Variants in PALS1 observed in about 807,000 individuals in gnomAD.
PALS1 encodes the protein protein PALS1.
Under a neutral mutation model 78.9 loss-of-function variants are expected in PALS1, and 31 were observed. The ratio of observed to expected loss-of-function variants is 0.39; its 90% confidence interval spans 0.30 to 0.53. PALS1 has a LOEUF of 0.53. PALS1 is among the 20% of genes least tolerant of loss of function. The probability of loss-of-function intolerance (pLI) is 0.67; values close to 1 mark genes in which losing one functional copy is unlikely to be tolerated. For synonymous variants in PALS1, 276 were observed against 270.9 expected (o/e 1.02, Z -0.18); for missense variants, 704 against 826.5 (o/e 0.85, Z 1.82).
At chr14:67,303,452 T>C in intron 7 of PALS1, 70 bp from the exon 8 acceptor site, 1 of 1,235,856 alleles carries the variant, frequency 8.1e-7, no homozygotes, top group Non-Finnish European at 1.2e-6. Context: ...TTAGGGAATA[T>C]AGATCATAAA....
At chr14:67,250,921 G>A (rs1042400041) in intron 1 of PALS1, among the ~76,000 whole-genome samples, 19 of 152,150 alleles carry the variant, frequency 1.2e-4, no homozygotes, top group Non-Finnish European at 2.2e-4. Context: ...ATCCCTCGCT[G>A]TGTCTCTTAA....
chr14:67,266,514 C>CA (rs1008370961), intron 1 of PALS1, among the ~76,000 whole-genome samples: 4 of 151,984 alleles, frequency 2.6e-5, no homozygotes, highest in African/African-American at 9.7e-5. Flanking sequence ...TTAGTAGAGA[C>CA]AGGGTTTCAC....
At position 67,303,707 on chromosome 14, in the gene PALS1, C is replaced by T. The variant is rs2084961296; in HGVS notation, c.1041+108C>T. The T allele has an allele frequency of 7.0e-6, 5 of 713,342 alleles. No individual in the cohort carries two copies. The Middle Eastern group carries it at 1.5e-3, about 217-fold the overall frequency. 44.2% of individuals were successfully genotyped at this position (713,342 alleles called of 1,614,324 possible). On this transcript the variant is annotated intron_variant, in intron 8 of 14. Coordinates refer to ENST00000261681, the MANE Select transcript of PALS1 (RefSeq NM_022474.4). ...ACTGTTTCCTGTACTCAAATAAATT[C>T]AATCATTTTTATTTAAATAAATATG... is the stretch of plus-strand genomic sequence containing the variant.
At chr14:67,276,096 G>A (rs1288783298) in intron 2 of PALS1, among the ~76,000 whole-genome samples, 1 of 152,010 alleles carries the variant, frequency 6.6e-6, no homozygotes, top group East Asian at 1.9e-4. Context: ...TTTTTGAAGG[G>A]TTTTTTGTGT....
chr14:67,332,835 G>A lies in PALS1; in HGVS notation c.1907G>A (p.Gly636Asp), dbSNP rs573396401. Residue 636 changes from glycine (G) to aspartate (D), a missense_variant, in exon 15 of 15, where the codon GGC becomes GAC. Transcript: ENST00000261681. The stretch of plus-strand genomic sequence containing the variant: ...ACAAGAGAGATGGAGCAGAACAATG[G>A]CCACTACTTTGATACGGCAATTGTG... ...EKTREMEQNNGHYFDTAIVNS... is the reference protein window; with the variant it reads ...EKTREMEQNNDHYFDTAIVNS... 1 of 1,614,018 alleles carries A rather than the reference G, an allele frequency of 6.2e-7. No individual in the cohort carries two copies. Among genetic ancestry groups the A allele is most frequent in the Admixed American group, 1.7e-5 (1 of 60,008 alleles).
intron 10 of PALS1, 91 bp from the exon 11 acceptor site, chr14:67,317,313 GAATA>G: frequency 5.3e-6 from 6 of 1,142,590 alleles, no homozygotes; most frequent in South Asian, 1.5e-5. Flanking sequence ...AAAATTTAAA[GAATA>G]AATGAATGAA....
At chr14:67,301,601 A>G (rs1239008775) in intron 5 of PALS1, 135 bp downstream of exon 5, 1 of 502,034 alleles carries the variant, frequency 2.0e-6, no homozygotes, top group Non-Finnish European at 3.4e-6. Flanking sequence ...CATCTATAAC[A>G]TAGTAGTTAT....
intron 2 of PALS1, chr14:67,272,014 T>C (rs2084414782): frequency 6.7e-6 from 1 of 148,806 alleles, no homozygotes; most frequent in Non-Finnish European, 1.5e-5. Context: ...GAGTTTGCAG[T>C]GAGCCGGGAT....
intron 1 of PALS1, among the ~76,000 whole-genome samples, chr14:67,243,492 T>A (rs1002526579): frequency 8.1e-4 from 111 of 137,540 alleles, no homozygotes; most frequent in Non-Finnish European, 6.2e-4. Context: ...GAATATAATT[T>A]TTTTTTTTTT....
chr14:67,283,282 C>G (rs1389396037), intron 3 of PALS1, among the ~76,000 whole-genome samples: 1 of 152,102 alleles, frequency 6.6e-6, no homozygotes, highest in Non-Finnish European at 1.5e-5. Flanking sequence ...TCAGATGTCT[C>G]TGGATATTCA....
In PALS1 at chr14:67,279,041, A is replaced by G. The variant is rs2084558049; in HGVS notation, c.-130A>G. 8.7e-6 allele frequency: 7 copies of G among 807,042 alleles called. No homozygotes were observed. 50.0% of individuals were successfully genotyped at this position (807,042 alleles called of 1,614,324 possible). On this transcript the variant is annotated 5_prime_UTR_variant, in exon 3 of 15. Transcript: ENST00000261681. Reference sequence around the variant, plus strand: ...AGATTTCCTTCATGGATACTTTTTCATAGCATTATTATGTGATGTGAGAAG... The same window carrying G: ...AGATTTCCTTCATGGATACTTTTTCGTAGCATTATTATGTGATGTGAGAAG...
In PALS1 at chr14:67,328,168, G is replaced by A. The variant is rs566869430; in HGVS notation, c.1851+4356G>A. The stretch of plus-strand genomic sequence containing the variant: ...TGTTGTTTCCGACTTTTTAATGATC[G>A]CCATTCTAACTGGTGTGAGATGGTA... On this transcript the variant is annotated intron_variant, in intron 14 of 14. Transcript: ENST00000261681. Among the ~76,000 whole-genome samples the A allele has an allele frequency of 2.3e-4, 35 of 152,224 alleles. No homozygotes were observed. The South Asian group carries it at 2.9e-3, about 13-fold the overall frequency.
intron 4 of PALS1, among the ~76,000 whole-genome samples, chr14:67,296,209 A>G (rs990115546): frequency 1.3e-5 from 2 of 152,162 alleles, no homozygotes; most frequent in Non-Finnish European, 2.9e-5. Flanking sequence ...GAAAGAGGAA[A>G]AGGCATTCCA....
intron 1 of PALS1, among the ~76,000 whole-genome samples, chr14:67,246,562 A>C (rs2083990477): frequency 6.6e-6 from 1 of 151,552 alleles, no homozygotes. Flanking sequence ...GCTGGTCTTG[A>C]GCAGCTGAGC....
chr14:67,278,437 A>G (rs2084544411), intron 2 of PALS1, among the ~76,000 whole-genome samples: 1 of 151,868 alleles, frequency 6.6e-6, no homozygotes. Flanking sequence ...CTCAGCTGCT[A>G]ATTGAAGTTT....
Position 67,320,276 on chromosome 14 carries a change from T to C in PALS1, c.1416T>C (p.Tyr472=). ...EILTYEEMSL[Y]HQPANRKRPI... ...TAACCTATGAGGAAATGTCACTTTA[T>C]CATCAGCCAGCAAATAGGAAGAGAC... is the stretch of plus-strand genomic sequence containing the variant. Residue 472 remains tyrosine, a synonymous_variant, in exon 12 of 15, where the codon TAT becomes TAC. Coordinates refer to ENST00000261681, the MANE Select transcript of PALS1 (RefSeq NM_022474.4). 3 of 1,613,686 alleles carry C rather than the reference T, an allele frequency of 1.9e-6. No homozygotes were observed. Among genetic ancestry groups the C allele is most frequent in the Non-Finnish European group, 2.5e-6 (3 of 1,179,852 alleles).
intron 10 of PALS1, 68 bp downstream of exon 10, chr14:67,316,971 T>C: frequency 1.6e-6 from 2 of 1,254,104 alleles, no homozygotes; most frequent in Non-Finnish European, 2.3e-6. Flanking sequence ...TGTGTGAATC[T>C]GCATATTAGA....
chr14:67,276,170 A>G (rs2084500401), intron 2 of PALS1, among the ~76,000 whole-genome samples: 1 of 150,682 alleles, frequency 6.6e-6, no homozygotes, highest in Admixed American at 6.6e-5. Context: ...TCTGCTTAAA[A>G]TGTTTTAATT....
chr14:67,284,853 T>A (rs1223722923), intron 3 of PALS1, among the ~76,000 whole-genome samples: 1 of 152,176 alleles, frequency 6.6e-6, no homozygotes, highest in Non-Finnish European at 1.5e-5. Flanking sequence ...TGAATTAATA[T>A]TCCACTGTAC....
Sources: allele counts gnomAD v4.1 joint callset (sites outside exome capture counted in the v4.1 genomes callset), GRCh38; gene constraint gnomAD v4.1.1; transcripts MANE v1.5; gene names NCBI Gene and HGNC (gene_info 2026-07-23, HGNC 2026-07-21).